The following ZC3H12B variants were observed in gnomAD, a reference collection of about 807,000 sequenced individuals.
ZC3H12B encodes zinc finger CCCH-type containing 12B, also known as probable ribonuclease ZC3H12B.
Under a neutral mutation model 43.9 loss-of-function variants are expected in ZC3H12B, and 7 were observed. The observed-to-expected ratio is 0.16, with a 90% CI of 0.09 to 0.30. The LOEUF (loss-of-function observed/expected upper bound fraction) is 0.30, where lower values mean the gene tolerates loss of function less well. Ranked by LOEUF, ZC3H12B falls within the 10% of genes least tolerant of loss-of-function variation. ZC3H12B has a pLI of 1.00. For synonymous variants in ZC3H12B, 222 were observed against 241.7 expected, an observed-to-expected ratio of 0.92 and a Z score of 0.76; for missense variants, 475 against 670.2, an observed-to-expected ratio of 0.71 and a Z score of 3.22.
exon 5 of ZC3H12B, chrX:65,501,930 A>G: frequency 8.3e-7 from 1 of 1,211,023 alleles, no homozygotes; most frequent in Non-Finnish European, 1.1e-6. Flanking sequence ...ACCCTGGCCA[A>G]GTGTGGCACA....
chrX:65,257,547 C>A, the ZC3H12B span, among the ~76,000 whole-genome samples: 5 of 110,290 alleles, frequency 4.5e-5, no homozygotes, highest in African/African-American at 1.7e-4. Flanking sequence ...CACATGTATA[C>A]CTATGTAACA....
chrX:65,407,147 A>G (rs1338669069), intron 3 of ZC3H12B, among the ~76,000 whole-genome samples: 1 of 112,895 alleles, frequency 8.9e-6, no homozygotes, highest in East Asian at 2.8e-4. Context: ...GAAAAGAAAG[A>G]AGACTGAGGA....
chrX:65,353,107 C>G, the ZC3H12B span, among the ~76,000 whole-genome samples: 1 of 111,123 alleles, frequency 9.0e-6, no homozygotes, highest in Non-Finnish European at 1.9e-5. Context: ...TCTGCCCCCC[C>G]GGCCTCCTTC....
At chrX:65,149,340 G>A in the ZC3H12B span, among the ~76,000 whole-genome samples, 1 of 112,119 alleles carries the variant, frequency 8.9e-6, no homozygotes, top group Non-Finnish European at 1.9e-5. Flanking sequence ...TGATTTTTCT[G>A]TGCGCAGATT....
At chrX:65,128,064 C>T in the ZC3H12B span, among the ~76,000 whole-genome samples, 1 of 111,752 alleles carries the variant, frequency 8.9e-6, no homozygotes, top group Admixed American at 9.5e-5. Flanking sequence ...TCCTGTTATG[C>T]TTCTGTGGTA....
chrX:65,116,307 C>A, the ZC3H12B span, among the ~76,000 whole-genome samples: 2 of 111,143 alleles, frequency 1.8e-5, no homozygotes, highest in Admixed American at 9.6e-5. Flanking sequence ...AATAGGATGT[C>A]CTTTCTTCAC....
chrX:65,054,123 T>C, the ZC3H12B span, among the ~76,000 whole-genome samples: 1 of 111,912 alleles, frequency 8.9e-6, no homozygotes, highest in African/African-American at 3.2e-5. Flanking sequence ...TTAGATCCCA[T>C]TTGTCAATTT....
the ZC3H12B span, among the ~76,000 whole-genome samples, chrX:65,137,373 G>T: frequency 8.9e-6 from 1 of 112,079 alleles, no homozygotes; most frequent in Non-Finnish European, 1.9e-5. Context: ...AGTGTTGCTT[G>T]TTTGAGAGAC....
chrX:65,164,847 T>A, the ZC3H12B span, among the ~76,000 whole-genome samples: 3 of 111,974 alleles, frequency 2.7e-5, no homozygotes, highest in Non-Finnish European at 3.8e-5. Flanking sequence ...CATAATATGT[T>A]TAAAGAATGT....
At chrX:65,188,362 T>C in the ZC3H12B span, among the ~76,000 whole-genome samples, 2 of 106,343 alleles carry the variant, frequency 1.9e-5, no homozygotes, top group African/African-American at 6.9e-5. Flanking sequence ...TGCTCTATTT[T>C]TTTTTTTTTT....
the ZC3H12B span, among the ~76,000 whole-genome samples, chrX:65,256,909 T>C: frequency 8.9e-6 from 1 of 111,897 alleles, no homozygotes; most frequent in Admixed American, 9.5e-5. Context: ...TGAGATACCA[T>C]CTCACACCAG....
the ZC3H12B span, among the ~76,000 whole-genome samples, chrX:65,113,607 G>A: frequency 9.1e-6 from 1 of 109,616 alleles, no homozygotes; most frequent in African/African-American, 3.3e-5. Flanking sequence ...ATGCTAGAGA[G>A]AAATCTTGCA....
intron 2 of ZC3H12B, among the ~76,000 whole-genome samples, chrX:65,397,273 A>G (rs1201015846): frequency 9.0e-6 from 1 of 111,551 alleles, no homozygotes; most frequent in Non-Finnish European, 1.9e-5. Flanking sequence ...ACATTAGTTG[A>G]TTCAGTTTCT....
chrX:65,393,249 C>T (rs1332632613), intron 2 of ZC3H12B, among the ~76,000 whole-genome samples: 1 of 111,142 alleles, frequency 9.0e-6, no homozygotes, highest in African/African-American at 3.3e-5. Flanking sequence ...TCAATAAATA[C>T]TAAAAAAATT....
the ZC3H12B span, chrX:65,356,906 A>G: frequency 2.6e-6 from 1 of 386,971 alleles, no homozygotes; most frequent in South Asian, 2.9e-5. Flanking sequence ...ATAATTGAAG[A>G]TCTGTTTGTA....
chrX:65,413,152 C>A (rs923620550), intron 3 of ZC3H12B, among the ~76,000 whole-genome samples: 1 of 110,472 alleles, frequency 9.1e-6, no homozygotes, highest in Non-Finnish European at 1.9e-5. Context: ...GGCTGTTTGT[C>A]CTTTTGTTGT....
chrX:65,293,132 G>A, the ZC3H12B span, among the ~76,000 whole-genome samples: 1 of 111,751 alleles, frequency 8.9e-6, no homozygotes, highest in Non-Finnish European at 1.9e-5. Flanking sequence ...AGCAGGTGAT[G>A]GTATCGACAG....
the ZC3H12B span, among the ~76,000 whole-genome samples, chrX:65,324,541 A>T: frequency 9.1e-6 from 1 of 110,258 alleles, no homozygotes; most frequent in Non-Finnish European, 1.9e-5. Flanking sequence ...TTTCCTTTTA[A>T]TTTTTTTTAT....
intron 3 of ZC3H12B, among the ~76,000 whole-genome samples, chrX:65,459,639 C>T (rs1450353542): frequency 1.8e-5 from 2 of 111,693 alleles, no homozygotes; most frequent in Non-Finnish European, 3.8e-5. Flanking sequence ...CAGAAAAGGC[C>T]TTTGACAAAA....
Sources: allele counts gnomAD v4.1 joint callset (sites outside exome capture counted in the v4.1 genomes callset), GRCh38; gene constraint gnomAD v4.1.1; transcripts MANE v1.5; gene names NCBI Gene and HGNC (gene_info 2026-07-23, HGNC 2026-07-21).